The following CLYBL variants were observed in gnomAD, a reference collection of about 807,000 sequenced individuals.
CLYBL encodes the protein citramalyl-CoA lyase, also known as citramalyl-CoA lyase, mitochondrial.
In CLYBL, 31 loss-of-function variants were observed where a neutral mutation model predicts 38.9. The observed-to-expected ratio is 0.80, with a 90% CI of 0.60 to 1.08. CLYBL has a LOEUF of 1.08. Among genes scored for constraint, CLYBL ranks in the 50% least tolerant of loss-of-function variants. CLYBL has a pLI of 0.00. For synonymous variants in CLYBL, 171 were observed against 158.6 expected (o/e 1.08, Z -0.59); for missense variants, 434 against 411.6 (o/e 1.05, Z -0.47).
intron 6 of CLYBL, among the ~76,000 whole-genome samples, chr13:99,866,623 C>T (rs899814060): frequency 2.8e-5 from 4 of 142,936 alleles, no homozygotes; most frequent in African/African-American, 1.0e-4. Flanking sequence ...TTTATTTCCT[C>T]TTTATATTAG....
chr13:99,671,689 A>T (rs951874183), intron 1 of CLYBL, among the ~76,000 whole-genome samples: 4 of 151,944 alleles, frequency 2.6e-5, no homozygotes, highest in Non-Finnish European at 5.9e-5. Flanking sequence ...CTGAGGCAGG[A>T]GAATCACTTG....
At chr13:99,826,226 T>C (rs1222797015) in intron 2 of CLYBL, among the ~76,000 whole-genome samples, 2 of 152,178 alleles carry the variant, frequency 1.3e-5, no homozygotes, top group Admixed American at 1.3e-4. Context: ...TATGTATAGG[T>C]GGTTGCCCTC....
chr13:99,868,103 G>A (rs2051795382), intron 6 of CLYBL, among the ~76,000 whole-genome samples: 1 of 152,076 alleles, frequency 6.6e-6, no homozygotes. Flanking sequence ...AAAAAGGGGG[G>A]AAGCGAGGAT....
chr13:99,749,167 G>A (rs2048909591), intron 1 of CLYBL, among the ~76,000 whole-genome samples: 1 of 150,394 alleles, frequency 6.6e-6, no homozygotes, highest in Non-Finnish European at 1.5e-5. Flanking sequence ...GCGACAAAGC[G>A]AGACTCTGTC....
chr13:99,864,796 G>A lies in CLYBL; in HGVS notation c.541-22G>A, dbSNP rs780375278. ...GACGCACGCGTTTCCGTGAGACTTA[G>A]TTCTGTTCTGCTCTTTTACAGGCAG... is the stretch of plus-strand genomic sequence containing the variant. On this transcript the variant is annotated intron_variant, in intron 4 of 8. Transcript: ENST00000339105. 6 of 1,571,578 alleles carry A rather than the reference G, an allele frequency of 3.8e-6. 1 individual carries two copies. In the East Asian group the frequency reaches 1.3e-4, roughly 35 times the overall value.
chr13:99,624,287 A>G (rs2046839401), intron 1 of CLYBL, among the ~76,000 whole-genome samples: 1 of 152,238 alleles, frequency 6.6e-6, no homozygotes. Flanking sequence ...TGCCTGACAC[A>G]GTAGGCACTG....
chr13:99,886,025 T>C (rs2052340956), intron 7 of CLYBL, among the ~76,000 whole-genome samples: 1 of 152,194 alleles, frequency 6.6e-6, no homozygotes, highest in South Asian at 2.1e-4. Context: ...CAGTCATTCA[T>C]TCATTGAGCA....
intron 1 of CLYBL, among the ~76,000 whole-genome samples, chr13:99,641,572 A>C (rs578169943): frequency 6.6e-6 from 1 of 151,920 alleles, no homozygotes; most frequent in African/African-American, 2.4e-5. Context: ...TGGGAAGCCA[A>C]GGTGGGCGGA....
chr13:99,607,918 A>G (rs1243192996), intron 1 of CLYBL, among the ~76,000 whole-genome samples: 1 of 151,700 alleles, frequency 6.6e-6, no homozygotes, highest in Non-Finnish European at 1.5e-5. Context: ...TAATTTTTGT[A>G]TTTTTAGTAG....
At chr13:99,803,545 ATTC>A (rs2050174364) in intron 2 of CLYBL, among the ~76,000 whole-genome samples, 1 of 152,342 alleles carries the variant, frequency 6.6e-6, no homozygotes, top group South Asian at 2.1e-4. Flanking sequence ...ATTGGATTTG[ATTC>A]TTCTTAGCAG....
intron 2 of CLYBL, among the ~76,000 whole-genome samples, chr13:99,844,938 C>T (rs543044324): frequency 6.6e-6 from 1 of 152,280 alleles, no homozygotes; most frequent in Non-Finnish European, 1.5e-5. Flanking sequence ...CCATTTTTTC[C>T]ATCCTCTTTT....
chr13:99,891,690 G>A (rs60702476), intron 8 of CLYBL: 4,539 of 312,904 alleles, frequency 0.015, 182 homozygotes, highest in African/African-American at 0.088. Context: ...AAGATCCTGG[G>A]GAAAGATGGG....
At chr13:99,717,325 C>T (rs2048331586) in intron 1 of CLYBL, among the ~76,000 whole-genome samples, 1 of 145,030 alleles carries the variant, frequency 6.9e-6, no homozygotes, top group Non-Finnish European at 1.5e-5. Context: ...ACTCGGGAGG[C>T]TGAGGCAGGA....
intron 3 of CLYBL, among the ~76,000 whole-genome samples, chr13:99,862,143 T>C (rs1449820611): frequency 6.6e-6 from 1 of 152,340 alleles, no homozygotes; most frequent in East Asian, 1.9e-4. Flanking sequence ...TATTAATGGC[T>C]GAATATTCCT....
intron 1 of CLYBL, among the ~76,000 whole-genome samples, chr13:99,650,633 A>G (rs1423705405): frequency 6.6e-6 from 1 of 152,130 alleles, no homozygotes; most frequent in African/African-American, 2.4e-5. Flanking sequence ...GGCTGCCTCC[A>G]TGGACTCTAG....
chr13:99,803,648 T>C (rs773691938), intron 2 of CLYBL, among the ~76,000 whole-genome samples: 12 of 152,252 alleles, frequency 7.9e-5, no homozygotes, highest in Non-Finnish European at 1.6e-4. Flanking sequence ...AAAATATGTA[T>C]GTAAAACACT....
At chr13:99,797,660 T>C (rs2050051448) in intron 2 of CLYBL, among the ~76,000 whole-genome samples, 1 of 151,586 alleles carries the variant, frequency 6.6e-6, no homozygotes, top group Admixed American at 6.6e-5. Flanking sequence ...TTAGTCCATG[T>C]ATCACCAAGC....
At chr13:99,821,586 C>T (rs1014203430) in intron 2 of CLYBL, among the ~76,000 whole-genome samples, 7 of 152,204 alleles carry the variant, frequency 4.6e-5, no homozygotes, top group Non-Finnish European at 4.4e-5. Context: ...GGTCAAAGCT[C>T]TCCTCTTCTC....
At chr13:99,608,273 A>C (rs1336376901) in intron 1 of CLYBL, among the ~76,000 whole-genome samples, 3 of 150,668 alleles carry the variant, frequency 2.0e-5, no homozygotes, top group Non-Finnish European at 4.4e-5. Flanking sequence ...AGGTTTCACC[A>C]TGTTGGCCAG....
Sources: gnomAD v4.1 joint callset for allele counts (sites outside exome capture counted in the v4.1 genomes callset) on GRCh38, gnomAD v4.1.1 for gene constraint, MANE v1.5 for transcripts, NCBI Gene and HGNC (gene_info 2026-07-23, HGNC 2026-07-21) for gene names.